The following MRPS35 variants were observed in gnomAD, a reference collection of about 807,000 sequenced individuals.
MRPS35 encodes the protein small ribosomal subunit protein mS35.
MRPS35 carries 29 observed loss-of-function variants against 32.7 expected under a neutral mutation model. That is an observed-to-expected ratio of 0.89 (90% CI 0.66 to 1.21). The LOEUF (loss-of-function observed/expected upper bound fraction) is 1.21, where lower values mean the gene tolerates loss of function less well. MRPS35 is among the 50% of genes most tolerant of loss of function. The pLI is 0.00. For missense variants in MRPS35, 373 were observed against 383.8 expected (o/e 0.97, Z 0.23); for synonymous variants, 148 against 139.3 (o/e 1.06, Z -0.44).
intron 5 of MRPS35, chr12:27,725,489 T>A (rs1248691487): frequency 6.3e-6 from 1 of 158,284 alleles, no homozygotes; most frequent in African/African-American, 2.4e-5. Context: ...CTAATGATGT[T>A]CCTAAGATAA....
chr12:27,735,838 G>A (rs1314882109), intron 6 of MRPS35, among the ~76,000 whole-genome samples: 2 of 152,158 alleles, frequency 1.3e-5, no homozygotes, highest in South Asian at 4.1e-4. Context: ...GAAGAAAAAA[G>A]TGTGGTTTGC....
intron 7 of MRPS35, among the ~76,000 whole-genome samples, chr12:27,753,348 T>C (rs2062013607): frequency 6.6e-6 from 1 of 151,778 alleles, no homozygotes; most frequent in East Asian, 1.9e-4. Context: ...CAGGGTTTGC[T>C]GACTCGGTGT....
intron 5 of MRPS35, among the ~76,000 whole-genome samples, chr12:27,735,004 A>G (rs2061937398): frequency 6.6e-6 from 1 of 152,244 alleles, no homozygotes; most frequent in South Asian, 2.1e-4. Flanking sequence ...TTGCAGTGAT[A>G]CAAGTCTCAT....
intron 7 of MRPS35, 130 bp from the exon 8 acceptor site, chr12:27,755,051 A>T: frequency 9.1e-7 from 1 of 1,093,534 alleles, no homozygotes; most frequent in Non-Finnish European, 1.3e-6. Context: ...GGGCCTCTCC[A>T]CATTTTGCAA....
intron 5 of MRPS35, among the ~76,000 whole-genome samples, chr12:27,726,003 T>TTTGTTTCC: frequency 7.9e-5 from 12 of 151,256 alleles, no homozygotes; most frequent in African/African-American, 2.9e-4. Flanking sequence ...AGAGACAGGG[T>TTTGTTTCC]TTTGCCATGA....
chr12:27,711,077 C>G lies in MRPS35; in HGVS notation c.112+122C>G, dbSNP rs1011395957. ...CCGGGGGAGGCCAGTGCGTCCGCTG[C>G]CAGGCCCGTCTGGTAGGAAAACCAT... On this transcript the variant is annotated intron_variant, in intron 1 of 7. Transcript: ENST00000081029. 28 of 828,126 alleles carry G rather than the reference C, an allele frequency of 3.4e-5. 1 individual carries two copies. In the South Asian group the frequency reaches 4.3e-4, roughly 13 times the overall value. The allele number at this position is 828,126 out of a possible 1,614,324, so 51.3% of individuals were successfully genotyped here. A position where few individuals can be genotyped will look rare whatever the true frequency, so the allele number is the denominator to read the frequency against.
At chr12:27,720,006 T>C (rs2140756510) in intron 4 of MRPS35, 138 bp downstream of exon 4, 1 of 634,902 alleles carries the variant, frequency 1.6e-6, no homozygotes, top group Non-Finnish European at 2.7e-6. Context: ...CAAATTGTTT[T>C]TGCTAACCAC....
chr12:27,751,426 G>A (rs746461357), intron 7 of MRPS35, among the ~76,000 whole-genome samples: 43 of 152,318 alleles, frequency 2.8e-4, no homozygotes, highest in Middle Eastern at 3.4e-3. Flanking sequence ...GCTGTAGGCA[G>A]GTGAAAGATA....
intron 5 of MRPS35, among the ~76,000 whole-genome samples, chr12:27,734,610 T>G (rs533850689): frequency 6.6e-6 from 1 of 152,298 alleles, no homozygotes; most frequent in South Asian, 2.1e-4. Flanking sequence ...CTCTGCAAAT[T>G]AAAAATTGTG....
chr12:27,740,174 A>G (rs1190375672), intron 7 of MRPS35, among the ~76,000 whole-genome samples: 1 of 152,176 alleles, frequency 6.6e-6, no homozygotes, highest in Admixed American at 6.5e-5. Context: ...ACCGTTATTT[A>G]ATCAAATAGA....
Position 27,755,553 on chromosome 12 carries a change from C to T in MRPS35, c.*103C>T. 8.6e-7 allele frequency: 1 copy of T among 1,161,538 alleles called. No individual in the cohort carries two copies. Among genetic ancestry groups the T allele is most frequent in the Admixed American group, 2.8e-5 (1 of 35,430 alleles). The allele number at this position is 1,161,538 out of a possible 1,614,324, so 72.0% of individuals were successfully genotyped here. Reference sequence around the variant, plus strand: ...AAAATGTTAAAAAATCATTTTTTTTCCTCAGAGTTAAAATTATTTCCCTCA... The same window carrying T: ...AAAATGTTAAAAAATCATTTTTTTTTCTCAGAGTTAAAATTATTTCCCTCA... On this transcript the variant is annotated 3_prime_UTR_variant, in exon 8 of 8. Transcript: ENST00000081029.
intron 5 of MRPS35, among the ~76,000 whole-genome samples, chr12:27,735,032 T>A (rs1472825677): frequency 1.3e-5 from 2 of 152,224 alleles, no homozygotes; most frequent in Non-Finnish European, 2.9e-5. Context: ...TGGTAGAACT[T>A]GTAATGATGC....
Position 27,732,913 on chromosome 12 carries a change from G to C in MRPS35, c.523-2534G>C, listed in dbSNP as rs912836537. The stretch of plus-strand genomic sequence containing the variant: ...ACTAACCACATCATACTTGCATATA[G>C]AGAAAATATTTCACAAGTTTAGACA... On this transcript the variant is annotated intron_variant, in intron 5 of 7. Transcript: ENST00000081029. Among the ~76,000 whole-genome samples the C allele has an allele frequency of 1.0e-4, 15 of 148,376 alleles. No individual in the cohort carries two copies. In the Admixed American group the frequency reaches 1.0e-3, roughly 10 times the overall value.
chr12:27,746,793 A>G (rs2140781147), intron 7 of MRPS35, among the ~76,000 whole-genome samples: 1 of 152,320 alleles, frequency 6.6e-6, no homozygotes, highest in East Asian at 1.9e-4. Context: ...CTCTCTCCTG[A>G]TACCAAATAA....
At chr12:27,729,901 C>T (rs1158524427) in intron 5 of MRPS35, among the ~76,000 whole-genome samples, 1 of 152,194 alleles carries the variant, frequency 6.6e-6, no homozygotes, top group African/African-American at 2.4e-5. Flanking sequence ...CTGTTTGTTT[C>T]CTTTGTCAAA....
intron 7 of MRPS35, among the ~76,000 whole-genome samples, chr12:27,747,334 T>C (rs1457851964): frequency 6.6e-6 from 1 of 152,220 alleles, no homozygotes; most frequent in Non-Finnish European, 1.5e-5. Context: ...TAATTGCCTG[T>C]ATACGTGTCT....
rs7966145 is a variant in MRPS35 at position 27,751,739 on chromosome 12, C to T, written c.703-3442C>T. ...ACAAGAGCCATGTTGAGCCAGGCTG[C>T]GCCCCAAGAGCGCCTGTACAACGGT... On this transcript the variant is annotated intron_variant, in intron 7 of 7. Coordinates refer to ENST00000081029, the MANE Select transcript of MRPS35 (RefSeq NM_021821.4). 6.2e-3 allele frequency among the ~76,000 whole-genome samples: 949 copies of T among 152,322 alleles called. 15 individuals are homozygous for T. Among genetic ancestry groups the T allele is most frequent in the African/African-American group, 0.021 (879 of 41,560 alleles).
rs2062021876 is a variant in MRPS35 at position 27,755,271 on chromosome 12, A to G, written c.793A>G (p.Thr265Ala). The G allele has an allele frequency of 6.2e-7, 1 of 1,612,982 alleles. No individual in the cohort carries two copies. The highest frequency in any genetic ancestry group is 8.5e-7 in the Non-Finnish European group (1 of 1,179,796). The change falls in exon 8 of 8, where the codon ACG becomes GCG. Residue 265 changes from threonine (T) to alanine (A), a missense_variant. By Grantham distance (58) the Thr-to-Ala change is moderately conservative (BLOSUM62 0). Transcript: ENST00000081029. ...CTCATCAGAAAGAAATATCCTGGAA[A>G]CGCTTCTCCAGATGAAAGCTGCTGA... ...NSSSERNILE[T>A]LLQMKAAEKN...
chr12:27,754,316 T>C (rs568923461), intron 7 of MRPS35, among the ~76,000 whole-genome samples: 2 of 152,222 alleles, frequency 1.3e-5, no homozygotes, highest in African/African-American at 4.8e-5. Flanking sequence ...CCACGTATTA[T>C]GTGCATCATA....
Sources: allele counts gnomAD v4.1 joint callset (sites outside exome capture counted in the v4.1 genomes callset), GRCh38; gene constraint gnomAD v4.1.1; transcripts MANE v1.5; gene names NCBI Gene and HGNC (gene_info 2026-07-23, HGNC 2026-07-21).